The following AK5 variants were observed in gnomAD, a reference collection of about 807,000 sequenced individuals.
The protein encoded by AK5 is adenylate kinase isoenzyme 5.
Under a neutral mutation model 69.5 loss-of-function variants are expected in AK5, and 27 were observed. That is an observed-to-expected ratio of 0.39 (90% confidence interval 0.29 to 0.54). The LOEUF (loss-of-function observed/expected upper bound fraction) is 0.54. Ranked by LOEUF, AK5 falls within the 20% of genes least tolerant of loss-of-function variation. The pLI, the probability that AK5 is intolerant of heterozygous loss-of-function variation, is 0.71. For synonymous variants in AK5, 260 were observed against 244.4 expected (o/e 1.06, Z -0.60); for missense variants, 531 against 700.4 (o/e 0.76, Z 2.73).
chr1:77,462,945 T>C (rs896399947), intron 8 of AK5, among the ~76,000 whole-genome samples: 2 of 152,246 alleles, frequency 1.3e-5, no homozygotes, highest in Admixed American at 6.5e-5. Context: ...TCATTCTAGC[T>C]TATTGTGACT....
chr1:77,472,443 C>G (rs899967743), intron 8 of AK5, among the ~76,000 whole-genome samples: 1 of 152,128 alleles, frequency 6.6e-6, no homozygotes, highest in African/African-American at 2.4e-5. Context: ...CTCCCAAAGT[C>G]CCCCAGAAGA....
At chr1:77,361,218 C>T (rs1286444425) in intron 6 of AK5, among the ~76,000 whole-genome samples, 1 of 152,192 alleles carries the variant, frequency 6.6e-6, no homozygotes, top group Non-Finnish European at 1.5e-5. Flanking sequence ...TTCTAAATTC[C>T]TTTACTACTT....
At chr1:77,342,229 T>TA (rs1282268760) in intron 6 of AK5, among the ~76,000 whole-genome samples, 2 of 151,992 alleles carry the variant, frequency 1.3e-5, no homozygotes, top group Non-Finnish European at 2.9e-5. Flanking sequence ...CATTGTATCA[T>TA]AAAAAAAGAA....
At chr1:77,497,672 C>T (rs763275187) in intron 10 of AK5, among the ~76,000 whole-genome samples, 2 of 151,756 alleles carry the variant, frequency 1.3e-5, no homozygotes, top group Admixed American at 6.6e-5. Context: ...ACTGCAACCC[C>T]GACTTCCCAA....
chr1:77,296,151 G>A (rs921006653), intron 3 of AK5, among the ~76,000 whole-genome samples: 1 of 152,126 alleles, frequency 6.6e-6, no homozygotes, highest in African/African-American at 2.4e-5. Flanking sequence ...TTACAAATTT[G>A]TATTAGTTCC....
At chr1:77,429,832 C>G (rs2647522) in intron 8 of AK5, among the ~76,000 whole-genome samples, 1 of 151,982 alleles carries the variant, frequency 6.6e-6, no homozygotes, top group African/African-American at 2.4e-5. Flanking sequence ...CAGGAAAGAA[C>G]TGGGGAGAAG....
intron 8 of AK5, among the ~76,000 whole-genome samples, chr1:77,434,239 A>G (rs1176587818): frequency 1.3e-5 from 2 of 152,080 alleles, no homozygotes; most frequent in East Asian, 1.9e-4. Flanking sequence ...TCTGACTGAT[A>G]TATTAGATTT....
chr1:77,450,708 A>G (rs879793376), intron 8 of AK5, among the ~76,000 whole-genome samples: 1 of 152,178 alleles, frequency 6.6e-6, no homozygotes, highest in Non-Finnish European at 1.5e-5. Context: ...TGATCTTAAC[A>G]TCATATTTGC....
intron 12 of AK5, among the ~76,000 whole-genome samples, chr1:77,522,312 G>A (rs1658034893): frequency 6.6e-6 from 1 of 152,106 alleles, no homozygotes; most frequent in Middle Eastern, 3.2e-3. Flanking sequence ...TCCAGCAAAA[G>A]ACCCAGAGTT....
intron 6 of AK5, among the ~76,000 whole-genome samples, chr1:77,361,318 G>A (rs534194179): frequency 1.3e-5 from 2 of 152,242 alleles, no homozygotes; most frequent in African/African-American, 2.4e-5. Flanking sequence ...GTCTCAAAGC[G>A]ACCTGGTTCA....
chr1:77,325,377 T>C (rs964461232), intron 5 of AK5, among the ~76,000 whole-genome samples: 1 of 152,148 alleles, frequency 6.6e-6, no homozygotes, highest in Non-Finnish European at 1.5e-5. Flanking sequence ...TAATGACTGA[T>C]AGAAAGGTAA....
chr1:77,333,605 A>AGC (rs936889138), intron 5 of AK5, among the ~76,000 whole-genome samples: 10 of 145,978 alleles, frequency 6.9e-5, no homozygotes, highest in African/African-American at 2.6e-4. Context: ...ATTATTCTAG[A>AGC]GCAGGGGTCA....
chr1:77,325,873 A>G (rs1660776841), intron 5 of AK5, among the ~76,000 whole-genome samples: 1 of 152,064 alleles, frequency 6.6e-6, no homozygotes, highest in Admixed American at 6.6e-5. Flanking sequence ...ACTTGTCAGA[A>G]AATGTTTAAA....
At chr1:77,309,108 G>T (rs1659802399) in intron 5 of AK5, among the ~76,000 whole-genome samples, 1 of 151,956 alleles carries the variant, frequency 6.6e-6, no homozygotes, top group Non-Finnish European at 1.5e-5. Flanking sequence ...AGAACATTAG[G>T]AAAAATAGCT....
At chr1:77,286,437 G>A (rs1262945655) in intron 1 of AK5, among the ~76,000 whole-genome samples, 2 of 150,364 alleles carry the variant, frequency 1.3e-5, no homozygotes, top group Non-Finnish European at 3.0e-5. Flanking sequence ...AGAATTTAAG[G>A]GATTATCTTA....
At chr1:77,374,681 TGTG>T (rs1199539325) in intron 6 of AK5, among the ~76,000 whole-genome samples, 1 of 152,006 alleles carries the variant, frequency 6.6e-6, no homozygotes, top group African/African-American at 2.4e-5. Context: ...TTTAGCCAGA[TGTG>T]GTGGCACCTA....
At chr1:77,357,652 A>C (rs1263144197) in intron 6 of AK5, among the ~76,000 whole-genome samples, 1 of 152,196 alleles carries the variant, frequency 6.6e-6, no homozygotes, top group African/African-American at 2.4e-5. Flanking sequence ...ATATCTATTC[A>C]AAGTGATGGA....
intron 13 of AK5, among the ~76,000 whole-genome samples, chr1:77,555,642 T>C (rs1204829875): frequency 6.6e-6 from 1 of 152,234 alleles, no homozygotes; most frequent in Non-Finnish European, 1.5e-5. Context: ...TTAAAAAGCA[T>C]TCCTGTGCCA....
chr1:77,543,869 G>C (rs964541450), intron 13 of AK5, among the ~76,000 whole-genome samples: 6 of 152,136 alleles, frequency 3.9e-5, no homozygotes, highest in Non-Finnish European at 5.9e-5. Flanking sequence ...GAATCTGCAG[G>C]TGCAGAACTT....
Sources: gnomAD v4.1 joint callset for allele counts (sites outside exome capture counted in the v4.1 genomes callset) on GRCh38, gnomAD v4.1.1 for gene constraint, MANE v1.5 for transcripts, NCBI Gene and HGNC (gene_info 2026-07-23, HGNC 2026-07-21) for gene names.